Variants in PRKN observed in about 807,000 individuals in gnomAD.
The protein encoded by PRKN is E3 ubiquitin-protein ligase parkin.
A neutral mutation model predicts 59.5 loss-of-function variants in PRKN; 56 were observed. The ratio of observed to expected loss-of-function variants is 0.94; its 90% CI spans 0.76 to 1.18. PRKN has a LOEUF of 1.18. Among genes scored for constraint, PRKN ranks in the 50% most tolerant of loss-of-function variants. PRKN has a pLI of 0.00. For missense variants in PRKN, 657 were observed against 596.4 expected (o/e 1.10, Z -1.06); for synonymous variants, 250 against 222.1 (o/e 1.13, Z -1.12).
At chr6:161,789,426 G>T (rs976821922) in intron 6 of PRKN, among the ~76,000 whole-genome samples, 2 of 152,050 alleles carry the variant, frequency 1.3e-5, no homozygotes, top group Non-Finnish European at 2.9e-5. Flanking sequence ...AGGTCCTTGC[G>T]TAGCCTAGGA....
intron 3 of PRKN, among the ~76,000 whole-genome samples, chr6:162,201,686 C>T (rs994597640): frequency 1.7e-4 from 26 of 152,128 alleles, no homozygotes; most frequent in East Asian, 7.7e-4. Flanking sequence ...GAAAAACCAG[C>T]CCATTTATCG....
chr6:162,211,579 A>G (rs1442950945), intron 3 of PRKN, among the ~76,000 whole-genome samples: 1 of 152,216 alleles, frequency 6.6e-6, no homozygotes, highest in Non-Finnish European at 1.5e-5. Context: ...ATGAACCCTC[A>G]GAGGAATGGC....
Position 161,402,279 on chromosome 6 carries a change from A to G in PRKN, c.1084-15402T>C, listed in dbSNP as rs1205277583. 2.6e-5 allele frequency among the ~76,000 whole-genome samples: 4 copies of G among 152,200 alleles called. No homozygotes were observed. Among genetic ancestry groups the G allele is most frequent in the South Asian group, 2.1e-4 (1 of 4,834 alleles). Reference sequence around the variant, plus strand: ...GCAGTGTCTTATGAAATTATAAAATAAAACCCAGACTTATAAGACTCTTCC... The same window carrying G: ...GCAGTGTCTTATGAAATTATAAAATGAAACCCAGACTTATAAGACTCTTCC... On this transcript the variant is annotated intron_variant, in intron 9 of 11. Transcript: ENST00000366898. This position sits in a 1 kb window ranked among gnomAD's most constrained non-coding sequence, Gnocchi z 4.5.
chr6:161,515,264 C>T (rs544197243), intron 9 of PRKN, among the ~76,000 whole-genome samples: 2 of 152,026 alleles, frequency 1.3e-5, no homozygotes, highest in Non-Finnish European at 2.9e-5. Flanking sequence ...AAACACAGAA[C>T]AGCGTTAGAT....
At chr6:161,559,668 T>A (rs553277759) in intron 8 of PRKN, among the ~76,000 whole-genome samples, 2 of 152,298 alleles carry the variant, frequency 1.3e-5, no homozygotes, top group South Asian at 4.1e-4. Flanking sequence ...AGAAGCTCTT[T>A]GTCCAGTCCT....
At chr6:162,474,995 T>C (rs1004326945) in intron 1 of PRKN, among the ~76,000 whole-genome samples, 4 of 152,228 alleles carry the variant, frequency 2.6e-5, no homozygotes, top group African/African-American at 9.6e-5. Context: ...TAAAAATTCT[T>C]CTGAGAATTG....
chr6:162,037,570 C>T (rs1462928639), intron 5 of PRKN, among the ~76,000 whole-genome samples: 1 of 148,886 alleles, frequency 6.7e-6, no homozygotes, highest in Non-Finnish European at 1.5e-5. Flanking sequence ...GGTTTTGAGA[C>T]GGAGTCTTGC....
chr6:162,270,821 G>A (rs1780346825), intron 2 of PRKN: 1 of 151,462 alleles, frequency 6.6e-6, no homozygotes, highest in Non-Finnish European at 1.5e-5. Flanking sequence ...TGCTTCTTCT[G>A]AAAATAACTT....
intron 6 of PRKN, among the ~76,000 whole-genome samples, chr6:161,896,573 A>G (rs1777635445): frequency 6.6e-6 from 1 of 152,154 alleles, no homozygotes; most frequent in Admixed American, 6.5e-5. Flanking sequence ...CCCATAACCC[A>G]CACAATGATA....
intron 2 of PRKN, among the ~76,000 whole-genome samples, chr6:162,364,468 A>T (rs1954951): frequency 0.21 from 32,030 of 152,074 alleles, 3,581 homozygotes; most frequent in Middle Eastern, 0.27. Context: ...ATGTCCCCCA[A>T]ATAAAAACAT....
Position 161,882,399 on chromosome 6 carries a change from G to C in PRKN, c.734+90903C>G, listed in dbSNP as rs114666302. Among the ~76,000 whole-genome samples, 922 of 152,256 alleles carry C rather than the reference G, an allele frequency of 6.1e-3. 12 individuals are homozygous for C. The highest frequency in any genetic ancestry group is 0.021 in the African/African-American group (874 of 41,564). ...GTGGTGCGGCCCTCCAGGGAGGGGA[G>C]GCTGCGGCAGGCAGTGAGCCGCCTC... On this transcript the variant is annotated intron_variant, in intron 6 of 11. Transcript: ENST00000366898.
chr6:162,432,745 A>C (rs545887008), intron 2 of PRKN, among the ~76,000 whole-genome samples: 3 of 152,280 alleles, frequency 2.0e-5, no homozygotes, highest in African/African-American at 4.8e-5. Context: ...TTTTCTCTTC[A>C]GAGTGCTTCC....
intron 1 of PRKN, among the ~76,000 whole-genome samples, chr6:162,698,875 G>A (rs1286703695): frequency 6.6e-6 from 1 of 152,112 alleles, no homozygotes; most frequent in Non-Finnish European, 1.5e-5. Context: ...CTAACATCTA[G>A]ACTATTAATA....
At chr6:162,192,801 T>C (rs762089880) in intron 4 of PRKN, among the ~76,000 whole-genome samples, 1 of 152,132 alleles carries the variant, frequency 6.6e-6, no homozygotes, top group Non-Finnish European at 1.5e-5. Flanking sequence ...ATTTTGAGAA[T>C]TTCAAACTAG....
Position 162,422,248 on chromosome 6 carries a change from TTAA to T in PRKN, c.171+21059_171+21061del, listed in dbSNP as rs555157900. On this transcript the variant is annotated intron_variant, in intron 2 of 11. Transcript: ENST00000366898. ...AAGTATATTTAGAAAGAAGGGCTAC[TTAA>T]TAATATTTCTTTAATCAAATTCTTC... is the stretch of plus-strand genomic sequence containing the variant. Among the ~76,000 whole-genome samples, 218 of 152,356 alleles carry T rather than the reference TTAA, an allele frequency of 1.4e-3. 1 individual carries two copies. Among genetic ancestry groups the T allele is most frequent in the African/African-American group, 5.1e-3 (213 of 41,572 alleles).
chr6:162,443,585 G>T (rs957932070), intron 1 of PRKN, 112 bp from the exon 2 acceptor site: 1 of 961,976 alleles, frequency 1.0e-6, no homozygotes, highest in African/African-American at 1.6e-5. Context: ...TCAGTGAATG[G>T]TATATATTTT....
At chr6:162,655,003 A>G (rs1389911412) in intron 1 of PRKN, among the ~76,000 whole-genome samples, 1 of 152,198 alleles carries the variant, frequency 6.6e-6, no homozygotes, top group African/African-American at 2.4e-5. Flanking sequence ...ATTAAACCCC[A>G]ATATGATTTT....
chr6:162,344,309 CAG>C (rs1357834708), intron 2 of PRKN, among the ~76,000 whole-genome samples: 2 of 148,394 alleles, frequency 1.3e-5, no homozygotes, highest in African/African-American at 4.9e-5. Flanking sequence ...ACTCTGCAAT[CAG>C]AGATTCCCTG....
chr6:161,747,845 T>C (rs541070331), intron 7 of PRKN, among the ~76,000 whole-genome samples: 4 of 152,348 alleles, frequency 2.6e-5, no homozygotes, highest in East Asian at 1.9e-4. Flanking sequence ...ATGACTCCTA[T>C]GAGCACGTAG....
Sources: allele counts gnomAD v4.1 joint callset (sites outside exome capture counted in the v4.1 genomes callset), GRCh38; gene constraint gnomAD v4.1.1; non-coding constraint Gnocchi (gnomAD v3.1); transcripts MANE v1.5; gene names NCBI Gene and HGNC (gene_info 2026-07-23, HGNC 2026-07-21).